Variants in TMEM132C observed in about 807,000 individuals in gnomAD.
TMEM132C encodes protein phosphatase 1, regulatory subunit 152.
Under a neutral mutation model 61.4 loss-of-function variants are expected in TMEM132C, and 29 were observed. That is an observed-to-expected ratio of 0.47 (90% confidence interval 0.35 to 0.64). The LOEUF (loss-of-function observed/expected upper bound fraction) is 0.64, where lower values mean the gene tolerates loss of function less well. Among genes scored for constraint, TMEM132C ranks in the 30% least tolerant of loss-of-function variants. The probability of loss-of-function intolerance (pLI) is 0.00; values close to 1 mark genes in which losing one functional copy is unlikely to be tolerated. For synonymous variants in TMEM132C, 656 were observed against 633.1 expected (o/e 1.04, Z -0.54); for missense variants, 1,408 against 1,476.9 (o/e 0.95, Z 0.76).
intron 1 of TMEM132C, among the ~76,000 whole-genome samples, chr12:128,328,552 G>A (rs1193491736): frequency 6.6e-6 from 1 of 152,150 alleles, no homozygotes; most frequent in East Asian, 1.9e-4. Context: ...ACTTTGGGAG[G>A]CTGAGGTGGG....
chr12:128,670,663 A>G (rs1954523261), intron 5 of TMEM132C, among the ~76,000 whole-genome samples: 1 of 152,096 alleles, frequency 6.6e-6, no homozygotes, highest in Non-Finnish European at 1.5e-5. Flanking sequence ...CATTCTCTTT[A>G]CCCACTCATC....
At chr12:128,475,377 A>G (rs910794697) in intron 2 of TMEM132C, among the ~76,000 whole-genome samples, 9 of 152,198 alleles carry the variant, frequency 5.9e-5, no homozygotes, top group Admixed American at 3.3e-4. Context: ...ACCAGAGAAC[A>G]GATTAGCAGT....
At chr12:128,401,901 C>A (rs751847446) in intron 1 of TMEM132C, among the ~76,000 whole-genome samples, 3 of 152,180 alleles carry the variant, frequency 2.0e-5, no homozygotes, top group Non-Finnish European at 2.9e-5. Flanking sequence ...ATGCCACCCT[C>A]CCCATAGATG....
At chr12:128,487,125 C>T (rs1474285147) in intron 2 of TMEM132C, among the ~76,000 whole-genome samples, 5 of 152,162 alleles carry the variant, frequency 3.3e-5, no homozygotes, top group African/African-American at 1.2e-4. Context: ...GAGTGATTGG[C>T]TGTGCACAGA....
At chr12:128,480,291 AGTC>A (rs1175124425) in intron 2 of TMEM132C, among the ~76,000 whole-genome samples, 1 of 152,216 alleles carries the variant, frequency 6.6e-6, no homozygotes, top group East Asian at 1.9e-4. Context: ...ATTCATGGAC[AGTC>A]GGGCCCAGGC....
intron 2 of TMEM132C, 29 bp from the exon 3 acceptor site, chr12:128,543,928 C>T: frequency 6.5e-7 from 1 of 1,536,710 alleles, no homozygotes; most frequent in Non-Finnish European, 8.8e-7. Context: ...AACCCTGTCT[C>T]TCTCTCTCTC....
chr12:128,457,842 G>T (rs893589114), intron 2 of TMEM132C, among the ~76,000 whole-genome samples: 3 of 152,112 alleles, frequency 2.0e-5, no homozygotes, highest in Admixed American at 6.6e-5. Context: ...ACTGATGAGA[G>T]AATCCAGCCA....
At chr12:128,532,931 G>C (rs1039474772) in intron 2 of TMEM132C, among the ~76,000 whole-genome samples, 3 of 152,152 alleles carry the variant, frequency 2.0e-5, no homozygotes, top group African/African-American at 7.2e-5. Flanking sequence ...GACACTGTTA[G>C]TTTCCTCTGA....
chr12:128,644,984 G>A (rs1005173512), intron 4 of TMEM132C, among the ~76,000 whole-genome samples: 7 of 152,172 alleles, frequency 4.6e-5, no homozygotes, highest in Admixed American at 3.9e-4. Flanking sequence ...TAGGATTCAT[G>A]GGGTTTGGGG....
chr12:128,559,943 T>C (rs1164863543), intron 3 of TMEM132C, among the ~76,000 whole-genome samples: 1 of 152,216 alleles, frequency 6.6e-6, no homozygotes, highest in South Asian at 2.1e-4. Flanking sequence ...ATGACCAAAG[T>C]GTTCTCTTTA....
chr12:128,412,961 C>A lies in TMEM132C; in HGVS notation c.86-1771C>A, dbSNP rs141329562. Among the ~76,000 whole-genome samples, 4 of 152,212 alleles carry A rather than the reference C, an allele frequency of 2.6e-5. No homozygotes were observed. The East Asian group carries it at 7.7e-4, about 29-fold the overall frequency. ...TACTGTAGTTCATTCAGCCATTTTTCTGCATAGAGGTATGAATGTTGTGTC... is the reference window on the plus strand; with the variant it reads ...TACTGTAGTTCATTCAGCCATTTTTATGCATAGAGGTATGAATGTTGTGTC... On this transcript the variant is annotated intron_variant, in intron 1 of 8. Coordinates refer to ENST00000435159, the MANE Select transcript of TMEM132C (RefSeq NM_001136103.3).
chr12:128,385,420 C>T (rs1400710716), intron 1 of TMEM132C, among the ~76,000 whole-genome samples: 1 of 135,218 alleles, frequency 7.4e-6, no homozygotes, highest in Non-Finnish European at 1.6e-5. Context: ...CGCACAGAGC[C>T]TGATAGGATC....
intron 2 of TMEM132C, among the ~76,000 whole-genome samples, chr12:128,445,753 C>T (rs771394703): frequency 7.9e-5 from 12 of 152,124 alleles, no homozygotes; most frequent in Non-Finnish European, 7.3e-5. Context: ...GAAAAGTCTG[C>T]GGGGAATAAG....
chr12:128,705,680 C>T lies in TMEM132C; in HGVS notation c.2712C>T (p.Ala904=), dbSNP rs267603374. 6.4e-6 allele frequency: 10 copies of T among 1,551,334 alleles called. No homozygotes were observed. Among genetic ancestry groups the T allele is most frequent in the African/African-American group, 5.5e-5 (4 of 73,156 alleles). The change falls in exon 9 of 9, where the codon GCC becomes GCT. Residue 904 remains alanine, a synonymous_variant. Coordinates refer to ENST00000435159, the MANE Select transcript of TMEM132C (RefSeq NM_001136103.3). ...CTGCCCACGTGGACCTCCCCAAGGC[C>T]GGGAGTGGGCTGGAGGAAAACGACC... ...NFPAHVDLPK[A]GSGLEENDLV... is the part of the protein sequence containing the mutation.
intron 5 of TMEM132C, among the ~76,000 whole-genome samples, chr12:128,677,218 G>A (rs1459963409): frequency 6.6e-6 from 1 of 152,128 alleles, no homozygotes; most frequent in East Asian, 1.9e-4. Flanking sequence ...TCTTAGTGTG[G>A]TGTCATAGAT....
intron 4 of TMEM132C, among the ~76,000 whole-genome samples, chr12:128,658,792 A>T (rs1404931664): frequency 6.6e-6 from 1 of 152,224 alleles, no homozygotes. Flanking sequence ...AAGATTCCTC[A>T]TAGGTCCAAA....
chr12:128,565,611 T>G (rs1260489549), intron 3 of TMEM132C, among the ~76,000 whole-genome samples: 1 of 152,166 alleles, frequency 6.6e-6, no homozygotes, highest in Non-Finnish European at 1.5e-5. Context: ...ATCATCACAA[T>G]AAACCTTTGA....
At chr12:128,321,324 A>G (rs941831654) in intron 1 of TMEM132C, among the ~76,000 whole-genome samples, 1 of 152,156 alleles carries the variant, frequency 6.6e-6, no homozygotes, top group Non-Finnish European at 1.5e-5. Flanking sequence ...GTCGATACTC[A>G]CAGCAACTTG....
chr12:128,403,037 G>A (rs748078707), intron 1 of TMEM132C, among the ~76,000 whole-genome samples: 4 of 152,180 alleles, frequency 2.6e-5, no homozygotes, highest in African/African-American at 9.7e-5. Context: ...AGAGCTTGAC[G>A]GTTACGAAAT....
Sources: allele counts gnomAD v4.1 joint callset (sites outside exome capture counted in the v4.1 genomes callset), GRCh38; gene constraint gnomAD v4.1.1; transcripts MANE v1.5; gene names NCBI Gene and HGNC (gene_info 2026-07-23, HGNC 2026-07-21).